ASTN2: variants seen among roughly 807,000 people sequenced by gnomAD.
ASTN2 encodes astrotactin-2.
In ASTN2, 54 loss-of-function variants were observed where a neutral mutation model predicts 139.8. The observed-to-expected ratio is 0.39, with a 90% CI of 0.31 to 0.48. ASTN2 has a LOEUF of 0.48. Ranked by LOEUF, ASTN2 falls within the 20% of genes least tolerant of loss-of-function variation. The probability of loss-of-function intolerance (pLI) is 0.95; values close to 1 mark genes in which losing one functional copy is unlikely to be tolerated. For synonymous variants in ASTN2, 756 were observed against 719.5 expected, an observed-to-expected ratio of 1.05 and a Z score of -0.81; for missense variants, 1,565 against 1,725.1, an observed-to-expected ratio of 0.91 and a Z score of 1.64.
intron 6 of ASTN2, among the ~76,000 whole-genome samples, chr9:117,009,187 T>C (rs887862891): frequency 6.6e-6 from 1 of 152,168 alleles, no homozygotes; most frequent in Non-Finnish European, 1.5e-5. Context: ...AATATTAACA[T>C]TTTTATTATT....
At chr9:117,335,217 C>T (rs142158074) in intron 1 of ASTN2, among the ~76,000 whole-genome samples, 1 of 152,278 alleles carries the variant, frequency 6.6e-6, no homozygotes, top group East Asian at 1.9e-4. Flanking sequence ...TTTCTTTAAG[C>T]TCTAAAAGGA....
chr9:116,605,797 A>C (rs1002277298), intron 19 of ASTN2, among the ~76,000 whole-genome samples: 50 of 152,166 alleles, frequency 3.3e-4, no homozygotes, highest in Non-Finnish European at 1.5e-4. Flanking sequence ...ATCTGCCTCT[A>C]GGTCTATTCT....
intron 20 of ASTN2, among the ~76,000 whole-genome samples, chr9:116,463,726 T>C (rs985792398): frequency 1.3e-5 from 2 of 152,130 alleles, no homozygotes; most frequent in Non-Finnish European, 2.9e-5. Flanking sequence ...AACTTCATTA[T>C]AGTTACATTG....
intron 7 of ASTN2, among the ~76,000 whole-genome samples, chr9:116,983,955 A>G (rs1390728190): frequency 1.3e-5 from 2 of 152,208 alleles, no homozygotes; most frequent in Admixed American, 1.3e-4. Context: ...ATGCTTACTT[A>G]TAGTTGTGGA....
chr9:117,250,299 C>G (rs1011461543), intron 2 of ASTN2, among the ~76,000 whole-genome samples: 6 of 152,168 alleles, frequency 3.9e-5, no homozygotes, highest in Non-Finnish European at 8.8e-5. Context: ...ATTGAGGCCC[C>G]TGCCCTCCTA....
intron 13 of ASTN2, among the ~76,000 whole-genome samples, chr9:116,758,608 C>T (rs1829593092): frequency 1.3e-5 from 2 of 152,208 alleles, no homozygotes; most frequent in South Asian, 2.1e-4. Context: ...TGAAATTCAT[C>T]CCTGTTCTGC....
intron 19 of ASTN2, among the ~76,000 whole-genome samples, chr9:116,617,263 G>A (rs776378193): frequency 5.9e-5 from 9 of 152,098 alleles, no homozygotes; most frequent in African/African-American, 4.8e-5. Flanking sequence ...GAATGGGAGA[G>A]GTGTAGGAGA....
intron 19 of ASTN2, among the ~76,000 whole-genome samples, chr9:116,603,679 A>G (rs1389933565): frequency 6.6e-6 from 1 of 152,248 alleles, no homozygotes; most frequent in African/African-American, 2.4e-5. Context: ...ACAAGGTAGT[A>G]TAGATTTAGT....
Position 116,787,064 on chromosome 9 carries a change from C to T in ASTN2, c.2396+18568G>A, listed in dbSNP as rs549997465. Among the ~76,000 whole-genome samples the T allele has an allele frequency of 2.0e-5, 3 of 152,320 alleles. No individual in the cohort carries two copies. The East Asian group carries it at 5.8e-4, about 29-fold the overall frequency. ...CCCCAGCCATGGGGAACTGTGAGTCCATTAAACCTCTTTCCTTTACAAAAT... is the reference window on the plus strand; with the variant it reads ...CCCCAGCCATGGGGAACTGTGAGTCTATTAAACCTCTTTCCTTTACAAAAT... On this transcript the variant is annotated intron_variant, in intron 13 of 22. Coordinates refer to ENST00000313400, the MANE Select transcript of ASTN2 (RefSeq NM_001365068.1).
At chr9:117,376,320 T>C (rs941644238) in intron 1 of ASTN2, among the ~76,000 whole-genome samples, 1 of 152,144 alleles carries the variant, frequency 6.6e-6, no homozygotes, top group African/African-American at 2.4e-5. Context: ...ACTAGTACAA[T>C]ATCAAACTCC....
At chr9:116,431,965 TGGCAGCG>T (rs1847511284) in intron 22 of ASTN2, among the ~76,000 whole-genome samples, 1 of 151,830 alleles carries the variant, frequency 6.6e-6, no homozygotes, top group African/African-American at 2.4e-5. Context: ...TTATTCTATG[TGGCAGCG>T]GGTTCCTCAT....
At chr9:116,627,824 G>A (rs1254186847) in intron 17 of ASTN2, among the ~76,000 whole-genome samples, 2 of 149,320 alleles carry the variant, frequency 1.3e-5, no homozygotes, top group Non-Finnish European at 3.0e-5. Flanking sequence ...TACAAGCCAG[G>A]CACTGTTCTA....
At chr9:117,389,331 C>T (rs919896016) in intron 1 of ASTN2, among the ~76,000 whole-genome samples, 10 of 152,164 alleles carry the variant, frequency 6.6e-5, no homozygotes, top group Admixed American at 3.3e-4. Flanking sequence ...AATTGCATTA[C>T]ACTGCAGCTT....
At chr9:116,701,880 G>GTTTTTTTTTTTT (rs11395772) in intron 16 of ASTN2, among the ~76,000 whole-genome samples, 1 of 133,348 alleles carries the variant, frequency 7.5e-6, no homozygotes. Context: ...AGTTTTTTGG[G>GTTTTTTTTTTTT]TTTTTTTTTT....
intron 2 of ASTN2, among the ~76,000 whole-genome samples, chr9:117,254,709 C>CA (rs1564109178): frequency 1.3e-5 from 2 of 152,078 alleles, no homozygotes; most frequent in Non-Finnish European, 2.9e-5. Flanking sequence ...TTTTTCACAT[C>CA]AAAAAATACT....
chr9:117,406,500 A>G (rs1564188328), intron 1 of ASTN2, among the ~76,000 whole-genome samples: 2 of 151,430 alleles, frequency 1.3e-5, no homozygotes, highest in Non-Finnish European at 2.9e-5. Context: ...CTCCACCACC[A>G]CTTGTTCACT....
At chr9:116,981,311 A>G (rs1195841378) in intron 7 of ASTN2, among the ~76,000 whole-genome samples, 1 of 152,234 alleles carries the variant, frequency 6.6e-6, no homozygotes, top group African/African-American at 2.4e-5. Flanking sequence ...TATCATGATT[A>G]CCATGAATTT....
At position 117,069,199 on chromosome 9, in the gene ASTN2, G is replaced by A. The variant is rs1470129486; in HGVS notation, c.1276+26845C>T. ...CTTTGAATGCGTCCCAGAGATTCTG[G>A]TATGTTGTGTCTTTGTTCTCGTTGG... On this transcript the variant is annotated intron_variant, in intron 5 of 22. Coordinates refer to ENST00000313400, the MANE Select transcript of ASTN2 (RefSeq NM_001365068.1). Among the ~76,000 whole-genome samples the A allele has an allele frequency of 4.7e-5, 4 of 85,006 alleles. 1 individual carries two copies. The highest frequency in any genetic ancestry group is 6.9e-5 in the Non-Finnish European group (3 of 43,352). 55.8% of individuals were successfully genotyped at this position (85,006 alleles called of 152,430 possible). A position where few individuals can be genotyped will look rare whatever the true frequency, so the allele number is the denominator to read the frequency against.
intron 20 of ASTN2, among the ~76,000 whole-genome samples, chr9:116,467,977 T>C (rs1399349030): frequency 2.0e-5 from 3 of 152,316 alleles, no homozygotes; most frequent in Middle Eastern, 3.4e-3. Flanking sequence ...GCTAGGTCTC[T>C]TTCTACCTGG....
Sources: allele counts gnomAD v4.1 joint callset (sites outside exome capture counted in the v4.1 genomes callset), GRCh38; gene constraint gnomAD v4.1.1; transcripts MANE v1.5; gene names NCBI Gene and HGNC (gene_info 2026-07-23, HGNC 2026-07-21).